DOCK3: variants seen among roughly 807,000 people sequenced by gnomAD.
The protein encoded by DOCK3 is dedicator of cytokinesis protein 3.
A neutral mutation model predicts 265.6 loss-of-function variants in DOCK3; 60 were observed. The observed-to-expected ratio is 0.23, with a 90% CI of 0.18 to 0.28. DOCK3 has a LOEUF of 0.28. Among genes scored for constraint, DOCK3 ranks in the 10% least tolerant of loss-of-function variants. The probability of loss-of-function intolerance (pLI) is 1.00; values close to 1 mark genes in which losing one functional copy is unlikely to be tolerated. For missense variants in DOCK3, 1,981 were observed against 2,594.3 expected (o/e 0.76, Z 5.14); for synonymous variants, 881 against 938.0 (o/e 0.94, Z 1.11).
chr3:50,699,336 A>G (rs1576145906), intron 1 of DOCK3, among the ~76,000 whole-genome samples: 1 of 152,190 alleles, frequency 6.6e-6, no homozygotes, highest in Non-Finnish European at 1.5e-5. Flanking sequence ...AAGATTTAAA[A>G]TCAGGAAGTT....
At chr3:51,362,316 C>T (rs1248142501) in intron 48 of DOCK3, among the ~76,000 whole-genome samples, 3 of 152,170 alleles carry the variant, frequency 2.0e-5, no homozygotes, top group African/African-American at 4.8e-5. Context: ...CCATGGTCAC[C>T]GTAGTATGGC....
chr3:51,164,360 C>T lies in DOCK3; in HGVS notation c.1037+3658C>T, dbSNP rs373135216. On this transcript the variant is annotated intron_variant, in intron 12 of 52. Coordinates refer to ENST00000266037, the MANE Select transcript of DOCK3 (RefSeq NM_004947.5). ...GATTCAGGCCGGGCGCGGTGGCTCA[C>T]GCCTGTAATCCCAGCACTTTGGGAG... 4.6e-5 allele frequency among the ~76,000 whole-genome samples: 7 copies of T among 152,232 alleles called. No individual in the cohort carries two copies. In the East Asian group the frequency reaches 7.7e-4, roughly 17 times the overall value.
intron 4 of DOCK3, among the ~76,000 whole-genome samples, chr3:50,917,955 T>G (rs1234926361): frequency 6.6e-6 from 1 of 152,060 alleles, no homozygotes; most frequent in Non-Finnish European, 1.5e-5. Context: ...TTCCCCACCC[T>G]GTGTCCAGGT....
At chr3:51,149,128 G>A (rs2085446970) in intron 10 of DOCK3, among the ~76,000 whole-genome samples, 2 of 152,166 alleles carry the variant, frequency 1.3e-5, no homozygotes, top group East Asian at 3.8e-4. Flanking sequence ...GTTCACTCAT[G>A]ATTTGGCTCT....
At chr3:51,216,044 A>G (rs2089767841) in intron 14 of DOCK3, among the ~76,000 whole-genome samples, 1 of 151,972 alleles carries the variant, frequency 6.6e-6, no homozygotes, top group Non-Finnish European at 1.5e-5. Context: ...TGACCTGGTG[A>G]TCTTTTAAAA....
intron 32 of DOCK3, among the ~76,000 whole-genome samples, chr3:51,326,826 T>G (rs1291558901): frequency 6.6e-6 from 1 of 152,038 alleles, no homozygotes; most frequent in Non-Finnish European, 1.5e-5. Context: ...GATTTCACCA[T>G]GTTGGTCAGG....
rs1479774487 is a variant in DOCK3, at chr3:51,100,459, A to G, written c.746+10075A>G. ...GCCACCAGAGGGAGTTCTGGAGAGA[A>G]GAGAGCAGGAAATGGGAATCTCAAA... On this transcript the variant is annotated intron_variant, in intron 9 of 52. Transcript: ENST00000266037. Among the ~76,000 whole-genome samples the G allele has an allele frequency of 2.6e-5, 4 of 152,320 alleles. No individual in the cohort carries two copies. The East Asian group carries it at 7.7e-4, about 29-fold the overall frequency.
At chr3:50,718,003 T>A (rs2037235150) in intron 1 of DOCK3, among the ~76,000 whole-genome samples, 1 of 152,240 alleles carries the variant, frequency 6.6e-6, no homozygotes. Context: ...ATTCACAATA[T>A]ATATCAAGTA....
intron 49 of DOCK3, among the ~76,000 whole-genome samples, chr3:51,366,172 A>G (rs1460293822): frequency 6.6e-6 from 1 of 152,096 alleles, no homozygotes; most frequent in Non-Finnish European, 1.5e-5. Context: ...AGAACCAGTT[A>G]TTGGTCTATT....
chr3:51,106,037 G>A (rs1029613913), intron 9 of DOCK3, among the ~76,000 whole-genome samples: 1 of 152,234 alleles, frequency 6.6e-6, no homozygotes, highest in African/African-American at 2.4e-5. Flanking sequence ...TCTGGTCAGG[G>A]TGGAGCCCAG....
At chr3:50,955,725 T>C (rs75686042) in intron 5 of DOCK3, among the ~76,000 whole-genome samples, 1 of 152,220 alleles carries the variant, frequency 6.6e-6, no homozygotes, top group Non-Finnish European at 1.5e-5. Flanking sequence ...AAAGAATAAC[T>C]ATTGGGCACT....
At chr3:51,220,395 G>A (rs1324921682) in intron 14 of DOCK3, among the ~76,000 whole-genome samples, 3 of 151,892 alleles carry the variant, frequency 2.0e-5, no homozygotes, top group Admixed American at 6.6e-5. Context: ...GGTGGCTCAC[G>A]TGTGTAATCC....
intron 27 of DOCK3, among the ~76,000 whole-genome samples, chr3:51,309,880 T>C (rs551842775): frequency 1.8e-4 from 27 of 152,356 alleles, no homozygotes; most frequent in Middle Eastern, 3.4e-3. Flanking sequence ...TCAGGGGCCA[T>C]GCCCCAGAAA....
chr3:51,217,598 A>G (rs998589059), intron 14 of DOCK3, among the ~76,000 whole-genome samples: 2 of 152,178 alleles, frequency 1.3e-5, no homozygotes, highest in African/African-American at 4.8e-5. Context: ...TTCCAAACTC[A>G]TTTTATTAAA....
chr3:50,874,195 A>G (rs1211641024), intron 3 of DOCK3, among the ~76,000 whole-genome samples: 5 of 151,060 alleles, frequency 3.3e-5, no homozygotes, highest in Non-Finnish European at 5.9e-5. Context: ...AAATGTATAG[A>G]TTGCTTTGGG....
At chr3:51,091,174 G>C (rs902432138) in intron 9 of DOCK3, among the ~76,000 whole-genome samples, 1 of 152,152 alleles carries the variant, frequency 6.6e-6, no homozygotes, top group East Asian at 1.9e-4. Context: ...TGTAGAGAAG[G>C]TAGTAGTGGT....
At chr3:51,096,087 T>C (rs2082846297) in intron 9 of DOCK3, among the ~76,000 whole-genome samples, 1 of 152,098 alleles carries the variant, frequency 6.6e-6, no homozygotes, top group East Asian at 1.9e-4. Context: ...CTGACGATTA[T>C]GTGTCTTGGG....
chr3:50,782,526 G>A (rs2609002), intron 2 of DOCK3, among the ~76,000 whole-genome samples: 14,284 of 151,326 alleles, frequency 0.094, 828 homozygotes, highest in Non-Finnish European at 0.12. Flanking sequence ...TCCTGACCTC[G>A]TGATCCGCCC....
chr3:50,692,267 A>G (rs1177016728), intron 1 of DOCK3, among the ~76,000 whole-genome samples: 2 of 152,020 alleles, frequency 1.3e-5, no homozygotes, highest in East Asian at 1.9e-4. Context: ...GGAGTTCTTT[A>G]TATCAGCAGT....
Sources: gnomAD v4.1 joint callset for allele counts (sites outside exome capture counted in the v4.1 genomes callset) on GRCh38, gnomAD v4.1.1 for gene constraint, MANE v1.5 for transcripts, NCBI Gene and HGNC (gene_info 2026-07-23, HGNC 2026-07-21) for gene names.